CRY1: variants seen among roughly 807,000 people sequenced by gnomAD.
CRY1 encodes cryptochrome-1.
Under a neutral mutation model 76.0 loss-of-function variants are expected in CRY1, and 45 were observed. That is an observed-to-expected ratio of 0.59 (90% CI 0.47 to 0.76). The LOEUF is 0.76. Ranked by LOEUF, CRY1 falls within the 30% of genes least tolerant of loss-of-function variation. CRY1 has a pLI of 0.00. For missense variants in CRY1, 587 were observed against 716.4 expected (o/e 0.82, Z 2.06); for synonymous variants, 248 against 244.0 (o/e 1.02, Z -0.15).
intron 1 of CRY1, among the ~76,000 whole-genome samples, chr12:107,045,805 G>GT (rs2136870104): frequency 6.6e-6 from 1 of 151,826 alleles, no homozygotes; most frequent in African/African-American, 2.4e-5. Flanking sequence ...ACCGGGGCCT[G>GT]TTGTGGGGTG....
chr12:107,029,016 T>A (rs1322634187), intron 1 of CRY1, among the ~76,000 whole-genome samples: 1 of 152,228 alleles, frequency 6.6e-6, no homozygotes, highest in Non-Finnish European at 1.5e-5. Context: ...TTCACTTACA[T>A]TAAACATCTG....
At chr12:106,992,037 C>G (rs1280750189) in intron 12 of CRY1, 36 bp from the exon 13 acceptor site, 1 of 151,996 alleles carries the variant, frequency 6.6e-6, no homozygotes, top group Non-Finnish European at 1.5e-5. Context: ...CTAGGTAAAG[C>G]TTGATTGCAA....
intron 1 of CRY1, among the ~76,000 whole-genome samples, chr12:107,066,946 CAT>C (rs949147742): frequency 2.6e-5 from 4 of 151,884 alleles, no homozygotes; most frequent in African/African-American, 9.7e-5. Context: ...ACTACAAGCA[CAT>C]GTCACCACAC....
chr12:107,055,281 G>C (rs932566358), intron 1 of CRY1, among the ~76,000 whole-genome samples: 2 of 152,016 alleles, frequency 1.3e-5, no homozygotes, highest in African/African-American at 2.4e-5. Context: ...AATATTATAA[G>C]TAACAAAGGA....
chr12:107,028,279 G>T (rs1172567293), intron 1 of CRY1, among the ~76,000 whole-genome samples: 1 of 151,918 alleles, frequency 6.6e-6, no homozygotes, highest in Admixed American at 6.6e-5. Flanking sequence ...ATTTACATAT[G>T]CTCTTTTTTC....
chr12:107,045,425 T>A (rs1372144386), intron 1 of CRY1, among the ~76,000 whole-genome samples: 1 of 152,114 alleles, frequency 6.6e-6, no homozygotes. Flanking sequence ...TTTGGGAGGC[T>A]GAAGTGGGTG....
intron 1 of CRY1, among the ~76,000 whole-genome samples, chr12:107,072,578 G>T (rs1953203068): frequency 6.6e-6 from 1 of 152,136 alleles, no homozygotes; most frequent in Admixed American, 6.5e-5. Flanking sequence ...AGGATAGGAA[G>T]TTACTATAAG....
At chr12:107,068,938 G>T (rs1434472052) in intron 1 of CRY1, among the ~76,000 whole-genome samples, 1 of 152,152 alleles carries the variant, frequency 6.6e-6, no homozygotes, top group Admixed American at 6.6e-5. Context: ...CATGTGAAGA[G>T]ACCATATTTT....
chr12:107,001,713 T>A, intron 4 of CRY1, 51 bp downstream of exon 4: 1 of 1,421,044 alleles, frequency 7.0e-7, no homozygotes, highest in Non-Finnish European at 9.3e-7. Context: ...TTCTGAGTAA[T>A]TTATGATTTA....
In CRY1 at chr12:107,024,031, T is replaced by C. The variant is rs565199921; in HGVS notation, c.159-1839A>G. 2.0e-5 allele frequency among the ~76,000 whole-genome samples: 3 copies of C among 152,356 alleles called. No individual in the cohort carries two copies. The South Asian group carries it at 6.2e-4, about 32-fold the overall frequency. ...GACAGAACAAAGATCGAAGGGTTTT[T>C]ACACAGATCAAAAATTAAGAAGTTG... On this transcript the variant is annotated intron_variant, in intron 1 of 12. Coordinates refer to ENST00000008527, the MANE Select transcript of CRY1 (RefSeq NM_004075.5).
At chr12:107,074,827 C>T (rs1953231684) in intron 1 of CRY1, among the ~76,000 whole-genome samples, 1 of 152,060 alleles carries the variant, frequency 6.6e-6, no homozygotes, top group Admixed American at 6.6e-5. Context: ...AAAGCCTGGC[C>T]AACATGATGA....
chr12:107,068,344 C>T (rs1953137650), intron 1 of CRY1, among the ~76,000 whole-genome samples: 1 of 152,292 alleles, frequency 6.6e-6, no homozygotes, highest in African/African-American at 2.4e-5. Context: ...TTTGCCCAGG[C>T]TGGAGTGCAG....
intron 1 of CRY1, among the ~76,000 whole-genome samples, chr12:107,083,765 C>T (rs964107959): frequency 6.6e-6 from 1 of 152,142 alleles, no homozygotes; most frequent in African/African-American, 2.4e-5. Context: ...GGAAGCATTC[C>T]CATTGAAAAC....
At chr12:107,032,503 G>T (rs1356604587) in intron 1 of CRY1, among the ~76,000 whole-genome samples, 1 of 121,498 alleles carries the variant, frequency 8.2e-6, no homozygotes, top group Non-Finnish European at 1.9e-5. Context: ...TGAGATAACT[G>T]TTACAGACAC....
At chr12:107,045,371 C>G (rs1952837668) in intron 1 of CRY1, among the ~76,000 whole-genome samples, 1 of 152,130 alleles carries the variant, frequency 6.6e-6, no homozygotes, top group Non-Finnish European at 1.5e-5. Flanking sequence ...AAGAAATTCT[C>G]AAGGGCAGCC....
chr12:107,017,540 G>T (rs968712006), intron 2 of CRY1, among the ~76,000 whole-genome samples: 4 of 152,152 alleles, frequency 2.6e-5, no homozygotes, highest in Non-Finnish European at 5.9e-5. Context: ...GCTGTTGTTT[G>T]GTCCACTCTC....
chr12:106,998,086 CA>C lies in CRY1; in HGVS notation c.1138-21del. 1 of 1,613,262 alleles carries C rather than the reference CA, an allele frequency of 6.2e-7. No homozygotes were observed. The highest frequency in any genetic ancestry group is 8.5e-7 in the Non-Finnish European group (1 of 1,179,630). On this transcript the variant is annotated intron_variant, in intron 7 of 12. Coordinates refer to ENST00000008527, the MANE Select transcript of CRY1 (RefSeq NM_004075.5). ...AAATACCTTCAGAAGTAACAGTAAC[CA>C]ATTAGTTTGCACACACATAATTCGC...
At chr12:107,061,965 G>A (rs1434809464) in intron 1 of CRY1, among the ~76,000 whole-genome samples, 1 of 144,258 alleles carries the variant, frequency 6.9e-6, no homozygotes, top group Admixed American at 7.2e-5. Flanking sequence ...GGAGGCGGAT[G>A]CAGTGAGCCA....
intron 2 of CRY1, among the ~76,000 whole-genome samples, chr12:107,019,300 C>T (rs1280860935): frequency 2.0e-5 from 3 of 151,748 alleles, no homozygotes; most frequent in Non-Finnish European, 4.4e-5. Flanking sequence ...GAATTAATTC[C>T]CTCTATGGCT....
Sources: gnomAD v4.1 joint callset for allele counts (sites outside exome capture counted in the v4.1 genomes callset) on GRCh38, gnomAD v4.1.1 for gene constraint, MANE v1.5 for transcripts, NCBI Gene and HGNC (gene_info 2026-07-23, HGNC 2026-07-21) for gene names.